The following VWA3B variants were observed in gnomAD, a reference collection of about 807,000 sequenced individuals.
VWA3B encodes von Willebrand factor A domain containing 3B.
A neutral mutation model predicts 158.3 loss-of-function variants in VWA3B; 138 were observed. The ratio of observed to expected loss-of-function variants is 0.87; its 90% CI spans 0.76 to 1.00. The LOEUF (loss-of-function observed/expected upper bound fraction) is 1.00. Among genes scored for constraint, VWA3B ranks in the 50% least tolerant of loss-of-function variants. The pLI is 0.00. For synonymous variants in VWA3B, 596 were observed against 587.3 expected, an observed-to-expected ratio of 1.01 and a Z score of -0.21; for missense variants, 1,555 against 1,565.1, an observed-to-expected ratio of 0.99 and a Z score of 0.11.
At chr2:98,303,371 G>C (rs561563402) in intron 25 of VWA3B, among the ~76,000 whole-genome samples, 1 of 152,094 alleles carries the variant, frequency 6.6e-6, no homozygotes, top group African/African-American at 2.4e-5. Flanking sequence ...GTCAGCAAAA[G>C]TGGTGGCCAA....
chr2:98,255,590 C>T lies in VWA3B; in HGVS notation c.2793-534C>T, dbSNP rs541729626. Among the ~76,000 whole-genome samples, 330 of 152,136 alleles carry T rather than the reference C, an allele frequency of 2.2e-3. 7 individuals are homozygous for T. In the South Asian group the frequency reaches 0.03, roughly 14 times the overall value. The stretch of plus-strand genomic sequence containing the variant: ...CTGAAAACGCGATCAGTCTCAGCAC[C>T]GCCAGCCAGCAGCTGTGGGTGAGCA... On this transcript the variant is annotated intron_variant, in intron 20 of 27. Transcript: ENST00000477737.
chr2:98,176,338 T>C (rs1181451697), intron 8 of VWA3B, among the ~76,000 whole-genome samples: 1 of 130,100 alleles, frequency 7.7e-6, no homozygotes, highest in African/African-American at 2.9e-5. Flanking sequence ...TCCCTCATCA[T>C]CACCACTTAA....
intron 7 of VWA3B, among the ~76,000 whole-genome samples, chr2:98,146,339 C>T (rs1399582343): frequency 4.6e-5 from 7 of 152,168 alleles, no homozygotes; most frequent in Admixed American, 4.6e-4. Context: ...AAGCTATCTG[C>T]AGGCATGTCC....
intron 16 of VWA3B, among the ~76,000 whole-genome samples, chr2:98,231,197 A>G (rs1355806882): frequency 4.6e-5 from 7 of 152,202 alleles, no homozygotes; most frequent in Non-Finnish European, 7.3e-5. Flanking sequence ...ATAGATGACA[A>G]TTCTCAGCTC....
At chr2:98,139,755 G>C (rs183777610) in intron 7 of VWA3B, among the ~76,000 whole-genome samples, 1 of 152,148 alleles carries the variant, frequency 6.6e-6, no homozygotes, top group Non-Finnish European at 1.5e-5. Context: ...TGTCAAAACA[G>C]ACCACTCGGC....
intron 22 of VWA3B, among the ~76,000 whole-genome samples, chr2:98,281,579 T>C (rs7606070): frequency 0.37 from 56,353 of 152,110 alleles, 11,364 homozygotes; most frequent in Non-Finnish European, 0.46. Flanking sequence ...GTTCTGTACC[T>C]AGTGTAGAAG....
At chr2:98,139,361 C>T (rs544030821) in intron 7 of VWA3B, among the ~76,000 whole-genome samples, 12 of 152,362 alleles carry the variant, frequency 7.9e-5, no homozygotes, top group Middle Eastern at 3.4e-3. Flanking sequence ...CCAGTCCCAT[C>T]GACCACCCAA....
rs545325177 is a variant in VWA3B at position 98,156,567 on chromosome 2, AGCCCT to A, written c.989-6280_989-6276del. 3.6e-4 allele frequency among the ~76,000 whole-genome samples: 55 copies of A among 152,272 alleles called. No homozygotes were observed. In the South Asian group the frequency reaches 0.011, roughly 32 times the overall value. On this transcript the variant is annotated intron_variant, in intron 7 of 27. Coordinates refer to ENST00000477737, the MANE Select transcript of VWA3B (RefSeq NM_144992.5). ...GTTGGTTGATGGGAAATCAAGGAGC[AGCCCT>A]GCCACCGTCTTTGTTATTTTTATGC...
chr2:98,279,206 G>A (rs1303241624), intron 22 of VWA3B, among the ~76,000 whole-genome samples: 1 of 152,156 alleles, frequency 6.6e-6, no homozygotes, highest in African/African-American at 2.4e-5. Context: ...ACTGAAAGAA[G>A]GGGGAAAATA....
At chr2:98,255,853 C>T (rs1383117104) in intron 20 of VWA3B, among the ~76,000 whole-genome samples, 1 of 152,098 alleles carries the variant, frequency 6.6e-6, no homozygotes, top group Non-Finnish European at 1.5e-5. Context: ...TAATGAAGAC[C>T]AGTTTGTCAA....
intron 14 of VWA3B, among the ~76,000 whole-genome samples, chr2:98,221,218 C>T (rs1309273865): frequency 2.6e-5 from 4 of 152,060 alleles, no homozygotes; most frequent in South Asian, 4.1e-4. Context: ...TATTTCTATT[C>T]GTATATCCCA....
intron 2 of VWA3B, among the ~76,000 whole-genome samples, chr2:98,106,863 G>A (rs1247085654): frequency 6.6e-6 from 1 of 151,964 alleles, no homozygotes; most frequent in Non-Finnish European, 1.5e-5. Context: ...TCCTTTTCTT[G>A]CTCTGTTACG....
intron 16 of VWA3B, among the ~76,000 whole-genome samples, chr2:98,230,968 A>G (rs1480999310): frequency 6.6e-6 from 1 of 152,236 alleles, no homozygotes; most frequent in Non-Finnish European, 1.5e-5. Flanking sequence ...TACGGGACGC[A>G]CAAAACCAAT....
In VWA3B at chr2:98,125,809, G is replaced by A. The variant is rs924683046; in HGVS notation, c.703-2430G>A. On this transcript the variant is annotated intron_variant, in intron 5 of 27. Coordinates refer to ENST00000477737, the MANE Select transcript of VWA3B (RefSeq NM_144992.5). The surrounding 1 kb of genome is among the most constrained non-coding windows in gnomAD (Gnocchi z 4.1). ...CTCCCCAGTAGCTGGGACTACAGGC[G>A]CCTGCCACCACATCCGGCTAATTTT... Among the ~76,000 whole-genome samples the A allele has an allele frequency of 6.6e-6, 1 of 152,026 alleles. No individual in the cohort carries two copies. The highest frequency in any genetic ancestry group is 2.4e-5 in the African/African-American group (1 of 41,392).
At position 98,168,368 on chromosome 2, in the gene VWA3B, C is replaced by CACACAT. The variant is rs879714821; in HGVS notation, c.1114+5397_1114+5398insTACACA. On this transcript the variant is annotated intron_variant, in intron 8 of 27. Transcript: ENST00000477737. ...CAGTTCCCTTTGTTTCAATCTAATA[C>CACACAT]ACACACATACACACACACACACACA... Among the ~76,000 whole-genome samples, 878 of 119,942 alleles carry CACACAT rather than the reference C, an allele frequency of 7.3e-3. 5 individuals carry two copies. The highest frequency in any genetic ancestry group is 9.2e-3 in the Non-Finnish European group (525 of 56,856). The allele number at this position is 119,942 out of a possible 152,430, so 78.7% of individuals were successfully genotyped here.
At chr2:98,320,278 C>T in the VWA3B span, among the ~76,000 whole-genome samples, 1 of 152,170 alleles carries the variant, frequency 6.6e-6, no homozygotes, top group African/African-American at 2.4e-5. Context: ...GCTTCCCCAG[C>T]TATGTGGAAC....
chr2:98,274,880 G>A (rs922624163), intron 22 of VWA3B, among the ~76,000 whole-genome samples: 2 of 152,182 alleles, frequency 1.3e-5, no homozygotes, highest in Non-Finnish European at 2.9e-5. Context: ...GGGAAAGTAG[G>A]CCATGTGGGG....
At chr2:98,129,045 C>G (rs1654705358) in intron 6 of VWA3B, among the ~76,000 whole-genome samples, 1 of 152,170 alleles carries the variant, frequency 6.6e-6, no homozygotes, top group African/African-American at 2.4e-5. Context: ...TTGCCACAGG[C>G]TGGGTGGCTT....
chr2:98,235,454 C>G (rs571136957), intron 17 of VWA3B, among the ~76,000 whole-genome samples: 60 of 149,512 alleles, frequency 4.0e-4, no homozygotes, highest in Non-Finnish European at 7.3e-4. Flanking sequence ...GAGGTAGAGT[C>G]TCACTTTGTT....
Sources: allele counts gnomAD v4.1 joint callset (sites outside exome capture counted in the v4.1 genomes callset), GRCh38; gene constraint gnomAD v4.1.1; non-coding constraint Gnocchi (gnomAD v3.1); transcripts MANE v1.5; gene names NCBI Gene and HGNC (gene_info 2026-07-23, HGNC 2026-07-21).